Variants in MYH13 observed in about 807,000 individuals in gnomAD.
MYH13 encodes the protein myosin heavy chain 13, also known as myosin-13.
A neutral mutation model predicts 232.1 loss-of-function variants in MYH13; 177 were observed. The ratio of observed to expected loss-of-function variants is 0.76; its 90% CI spans 0.67 to 0.86. The LOEUF is 0.86. Among genes scored for constraint, MYH13 ranks in the 40% least tolerant of loss-of-function variants. The pLI is 0.00. For missense variants in MYH13, 2,246 were observed against 2,405.9 expected (o/e 0.93, Z 1.39); for synonymous variants, 884 against 923.5 (o/e 0.96, Z 0.78).
At chr17:10,366,113 G>A (rs575274175) in intron 2 of MYH13, among the ~76,000 whole-genome samples, 1 of 152,086 alleles carries the variant, frequency 6.6e-6, no homozygotes, top group East Asian at 1.9e-4. Flanking sequence ...ACTTATAAGG[G>A]AGAAGCCAGC....
intron 29 of MYH13, among the ~76,000 whole-genome samples, chr17:10,315,324 G>T (rs996889047): frequency 2.6e-5 from 4 of 152,116 alleles, no homozygotes; most frequent in Admixed American, 6.5e-5. Context: ...ATGGAGTCTC[G>T]CTCTGTCTTC....
Position 10,324,009 on chromosome 17 carries a change from T to C in MYH13, c.2934+13A>G, listed in dbSNP as rs773373297. On this transcript the variant is annotated intron_variant, in intron 23 of 40. Transcript: ENST00000252172. ...CTGTTAAGACACTGTGGGAGTCCCT[T>C]GGGTTTGCTCACCTTGTTCTCTGTG... The C allele has an allele frequency of 1.2e-6, 2 of 1,613,476 alleles. No homozygotes were observed. The highest frequency in any genetic ancestry group is 1.3e-5 in the African/African-American group (1 of 74,944).
chr17:10,316,922 T>C (rs1438136419), intron 27 of MYH13, among the ~76,000 whole-genome samples: 2 of 152,164 alleles, frequency 1.3e-5, no homozygotes, highest in Non-Finnish European at 2.9e-5. Context: ...GGACACTAAT[T>C]CCACGGGCGT....
chr17:10,368,076 GA>G (rs2071850580), intron 2 of MYH13, among the ~76,000 whole-genome samples: 1 of 152,098 alleles, frequency 6.6e-6, no homozygotes, highest in African/African-American at 2.4e-5. Flanking sequence ...TGGTTGTTTG[GA>G]AAATACTGGT....
chr17:10,368,316 C>T (rs548662995), intron 2 of MYH13, among the ~76,000 whole-genome samples: 6 of 152,274 alleles, frequency 3.9e-5, no homozygotes, highest in East Asian at 1.9e-4. Flanking sequence ...TTCCTCGAGA[C>T]GACAACCACA....
rs1462598239 is a variant in MYH13, at chr17:10,371,227, A to G, written c.-31T>C. On this transcript the variant is annotated 5_prime_UTR_variant, in exon 2 of 41. Transcript: ENST00000252172. ...CCCTTACCTTCTTGGTTCCCAAGTGACAGTCAGTGTCCTTCAGGAATAAAG... is the reference window on the plus strand; with the variant it reads ...CCCTTACCTTCTTGGTTCCCAAGTGGCAGTCAGTGTCCTTCAGGAATAAAG... 1 of 152,204 alleles carries G rather than the reference A, an allele frequency of 6.6e-6. No homozygotes were observed. Among genetic ancestry groups the G allele is most frequent in the Non-Finnish European group, 1.5e-5 (1 of 68,046 alleles). The allele number at this position is 152,204 out of a possible 1,614,324, so 9.4% of individuals were successfully genotyped here. A position where few individuals can be genotyped will look rare whatever the true frequency, so the allele number is the denominator to read the frequency against.
intron 21 of MYH13, among the ~76,000 whole-genome samples, chr17:10,328,763 C>G (rs997940591): frequency 2.6e-5 from 4 of 151,694 alleles, no homozygotes; most frequent in African/African-American, 9.7e-5. Flanking sequence ...CTGCAACCTC[C>G]GCCTCCTAGG....
At chr17:10,310,645 A>G (rs1906478135) in intron 33 of MYH13, among the ~76,000 whole-genome samples, 2 of 152,162 alleles carry the variant, frequency 1.3e-5, no homozygotes, top group Non-Finnish European at 2.9e-5. Flanking sequence ...TGACAGGGCA[A>G]CTGCTCTCCT....
chr17:10,321,595 C>T lies in MYH13; in HGVS notation c.3048G>A (p.Val1016=). The T allele has an allele frequency of 6.2e-7, 1 of 1,613,658 alleles. No homozygotes were observed. The highest frequency in any genetic ancestry group is 8.5e-7 in the Non-Finnish European group (1 of 1,179,624). ...AHQQTLDDLQ[V]EEDKVNGLIK... ...TTAGACCATTGACTTTATCTTCTTC[C>T]ACCTGAAGATCATCCAGTGTTTGCT... The change falls in exon 24 of 41, where the codon GTG becomes GTA. Residue 1016 remains valine, a synonymous_variant. Coordinates refer to ENST00000252172, the MANE Select transcript of MYH13 (RefSeq NM_003802.3).
chr17:10,334,948 T>C (rs887044759), intron 18 of MYH13, among the ~76,000 whole-genome samples: 1 of 151,840 alleles, frequency 6.6e-6, no homozygotes, highest in Non-Finnish European at 1.5e-5. Flanking sequence ...GAGAGAACCT[T>C]AGCAATGGTC....
At chr17:10,320,030 G>T in intron 26 of MYH13, 123 bp downstream of exon 26, 1 of 720,488 alleles carries the variant, frequency 1.4e-6, no homozygotes, top group South Asian at 1.9e-5. Context: ...GAAATGACAG[G>T]ACATCTTCTC....
chr17:10,344,216 G>A lies in MYH13; in HGVS notation c.1585-107C>T. On this transcript the variant is annotated intron_variant, in intron 15 of 40. Coordinates refer to ENST00000252172, the MANE Select transcript of MYH13 (RefSeq NM_003802.3). ...GTGCTTTCACTCTGGTACCAGGAATGCTGGCATGTACGCTCGGTGAGAGCA... is the reference window on the plus strand; with the variant it reads ...GTGCTTTCACTCTGGTACCAGGAATACTGGCATGTACGCTCGGTGAGAGCA... The A allele has an allele frequency of 1.4e-6, 2 of 1,479,942 alleles. 1 individual carries two copies. The highest frequency in any genetic ancestry group is 2.7e-5 in the South Asian group (2 of 73,852). The allele number at this position is 1,479,942 out of a possible 1,614,324, so 91.7% of individuals were successfully genotyped here. A position where few individuals can be genotyped will look rare whatever the true frequency, so the allele number is the denominator to read the frequency against.
intron 11 of MYH13, among the ~76,000 whole-genome samples, chr17:10,351,859 G>C (rs1021266711): frequency 3.9e-5 from 6 of 152,180 alleles, no homozygotes; most frequent in Non-Finnish European, 7.3e-5. Flanking sequence ...TGGTAGGATT[G>C]AAACATGTTT....
intron 18 of MYH13, among the ~76,000 whole-genome samples, chr17:10,338,922 C>T (rs527368909): frequency 2.6e-5 from 4 of 152,168 alleles, no homozygotes; most frequent in African/African-American, 4.8e-5. Flanking sequence ...AGGATGGTCT[C>T]GATCTCCTGA....
intron 29 of MYH13, among the ~76,000 whole-genome samples, chr17:10,313,563 G>GTCA (rs1217750381): frequency 6.6e-6 from 1 of 152,038 alleles, no homozygotes; most frequent in African/African-American, 2.4e-5. Flanking sequence ...AGAGTAAACT[G>GTCA]TCACAGGAAA....
intron 33 of MYH13, among the ~76,000 whole-genome samples, chr17:10,310,291 A>G (rs1358224258): frequency 6.6e-6 from 1 of 151,904 alleles, no homozygotes; most frequent in East Asian, 1.9e-4. Context: ...GGGTTTCACC[A>G]TGTTGCCTAG....
chr17:10,334,797 T>A (rs1264609722), intron 18 of MYH13, among the ~76,000 whole-genome samples: 1 of 152,146 alleles, frequency 6.6e-6, no homozygotes, highest in South Asian at 2.1e-4. Context: ...GAGAATCGCT[T>A]GAACCCAGGA....
intron 27 of MYH13, among the ~76,000 whole-genome samples, chr17:10,318,534 C>T (rs2074869): frequency 0.54 from 82,833 of 152,054 alleles, 22,744 homozygotes; most frequent in Non-Finnish European, 0.56. Flanking sequence ...TCTTGGACTT[C>T]CCAGCCTCCA....
At chr17:10,313,563 G>A (rs551016165) in intron 29 of MYH13, among the ~76,000 whole-genome samples, 22 of 152,156 alleles carry the variant, frequency 1.4e-4, no homozygotes, top group African/African-American at 5.1e-4. Context: ...AGAGTAAACT[G>A]TCACAGGAAA....
Sources: allele counts gnomAD v4.1 joint callset (sites outside exome capture counted in the v4.1 genomes callset), GRCh38; gene constraint gnomAD v4.1.1; transcripts MANE v1.5; gene names NCBI Gene and HGNC (gene_info 2026-07-23, HGNC 2026-07-21).